Variants in FAM149A observed in about 807,000 individuals in gnomAD.
FAM149A encodes the protein protein FAM149A.
A neutral mutation model predicts 78.2 loss-of-function variants in FAM149A; 71 were observed. That is an observed-to-expected ratio of 0.91 (90% CI 0.75 to 1.11). The LOEUF is 1.11. FAM149A is among the 50% of genes least tolerant of loss of function. The pLI is 0.00. For synonymous variants in FAM149A, 446 were observed against 410.5 expected (o/e 1.09, Z -1.04); for missense variants, 1,036 against 971.0 (o/e 1.07, Z -0.89).
chr4:186,143,773 C>T (rs1337500236), intron 1 of FAM149A, among the ~76,000 whole-genome samples: 11 of 152,128 alleles, frequency 7.2e-5, no homozygotes, highest in Non-Finnish European at 1.2e-4. Context: ...TCAAGTGATC[C>T]GCCCACCTCA....
At chr4:186,125,791 A>G (rs1345784537) in intron 1 of FAM149A, 4 of 985,288 alleles carry the variant, frequency 4.1e-6, no homozygotes, top group Non-Finnish European at 4.8e-6. Context: ...AGCTGGGGCC[A>G]TGAATACCCA....
At chr4:186,113,965 C>G (rs2099312406) in intron 1 of FAM149A, among the ~76,000 whole-genome samples, 2 of 151,028 alleles carry the variant, frequency 1.3e-5, no homozygotes, top group South Asian at 4.3e-4. Context: ...CTTTCTGTCT[C>G]GTTGATCTGT....
rs977598842 is a variant in FAM149A at position 186,126,150 on chromosome 4, T to C, written c.566+20508T>C. On this transcript the variant is annotated intron_variant, in intron 1 of 13. Coordinates refer to ENST00000389354, the MANE Select transcript of FAM149A (RefSeq NM_001367768.3). ...CATTAGTATCATATCACTTGCCCTG[T>C]CCATACTACTCATTACTAGGGGTAC... 3.1e-6 allele frequency: 3 copies of C among 952,832 alleles called. No homozygotes were observed. In the African/African-American group the frequency reaches 5.3e-5, roughly 17 times the overall value. The allele number at this position is 952,832 out of a possible 1,614,324, so 59.0% of individuals were successfully genotyped here. A position where few individuals can be genotyped will look rare whatever the true frequency, so the allele number is the denominator to read the frequency against.
At chr4:186,109,132 C>A in intron 1 of FAM149A, 1 of 983,888 alleles carries the variant, frequency 1.0e-6, no homozygotes, top group Non-Finnish European at 1.2e-6. Flanking sequence ...CAGGCTTGAG[C>A]CACCGCGCCC....
At chr4:186,147,250 G>T (rs1027128472) in intron 1 of FAM149A, among the ~76,000 whole-genome samples, 50 of 152,286 alleles carry the variant, frequency 3.3e-4, no homozygotes, top group Admixed American at 2.1e-3. Flanking sequence ...AAGCATGGTG[G>T]TAGACACCTG....
At position 186,105,174 on chromosome 4, in the gene FAM149A, G is replaced by C; in HGVS notation, c.98G>C (p.Gly33Ala). 7.8e-7 allele frequency: 1 copy of C among 1,276,742 alleles called. No homozygotes were observed. Among genetic ancestry groups the C allele is most frequent in the Non-Finnish European group, 1.0e-6 (1 of 983,440 alleles). The allele number at this position is 1,276,742 out of a possible 1,614,324, so 79.1% of individuals were successfully genotyped here. A position where few individuals can be genotyped will look rare whatever the true frequency, so the allele number is the denominator to read the frequency against. ...GGCCCCTCCTCCAGACCCTCGGGAG[G>C]TGCTGCCGCTGCAGGGTCGGGGGGC... The change falls in exon 1 of 14, where the codon GGT (glycine) becomes GCT (alanine). Residue 33 changes from glycine (G) to alanine (A), a missense_variant. Physicochemically the swap from Gly to Ala is moderately conservative, Grantham distance 60 (BLOSUM62 0). Around this residue, in one of 3 missense-constraint regions of FAM149A, gnomAD observed 316 missense variants for 241.9 expected, o/e 1.31. Coordinates refer to ENST00000389354, the MANE Select transcript of FAM149A (RefSeq NM_001367768.3).
intron 1 of FAM149A, among the ~76,000 whole-genome samples, chr4:186,127,986 C>CTTTTTTTT (rs1466872811): frequency 2.1e-4 from 3 of 14,226 alleles, no homozygotes; most frequent in African/African-American, 7.8e-4. Context: ...CCATGCCCGG[C>CTTTTTTTT]CTTTTTTTTT....
Position 186,136,940 on chromosome 4 carries a change from C to CTCTCTCTCTCTCTCTCTT in FAM149A, c.567-12216_567-12215insTTCTCTCTCTCTCTCTCT, listed in dbSNP as rs2099323050. Among the ~76,000 whole-genome samples, 109 of 91,492 alleles carry CTCTCTCTCTCTCTCTCTT rather than the reference C, an allele frequency of 1.2e-3. 3 individuals are homozygous for CTCTCTCTCTCTCTCTCTT. The highest frequency in any genetic ancestry group is 1.6e-3 in the Admixed American group (13 of 8,174). 60.0% of individuals were successfully genotyped at this position (91,492 alleles called of 152,430 possible). A position where few individuals can be genotyped will look rare whatever the true frequency, so the allele number is the denominator to read the frequency against. On this transcript the variant is annotated intron_variant, in intron 1 of 13. Coordinates refer to ENST00000389354, the MANE Select transcript of FAM149A (RefSeq NM_001367768.3). The stretch of plus-strand genomic sequence containing the variant: ...GAAGCTCAAATACACTGATTGATCT[C>CTCTCTCTCTCTCTCTCTT]TCTCTCTCTCTCTCTCTCTCTCTTT...
At chr4:186,109,506 AC>A (rs2099310328) in intron 1 of FAM149A, 5 of 985,248 alleles carry the variant, frequency 5.1e-6, no homozygotes, top group Non-Finnish European at 6.0e-6. Flanking sequence ...GGTGGATTCC[AC>A]CTCAAACCGA....
chr4:186,123,774 T>C, intron 1 of FAM149A: 1 of 916,056 alleles, frequency 1.1e-6, no homozygotes. Flanking sequence ...GACAAACTAA[T>C]GTGCTGGCTT....
Position 186,104,780 on chromosome 4 carries a change from GCGGCGGC to G in FAM149A, c.-294_-288del, listed in dbSNP as rs2099308106. Among the ~76,000 whole-genome samples, 2 of 151,554 alleles carry G rather than the reference GCGGCGGC, an allele frequency of 1.3e-5. No homozygotes were observed. Among genetic ancestry groups the G allele is most frequent in the African/African-American group, 4.8e-5 (2 of 41,322 alleles). ...GGCGGGCGGCGGGCGTCTGGGGCGG[GCGGCGGC>G]CGCGCTTCCCGGGGCTCCTGGCCCT... On this transcript the variant is annotated 5_prime_UTR_variant, in exon 1 of 14. Coordinates refer to ENST00000389354, the MANE Select transcript of FAM149A (RefSeq NM_001367768.3).
chr4:186,160,261 A>G (rs1476809338), intron 8 of FAM149A, among the ~76,000 whole-genome samples: 2 of 142,502 alleles, frequency 1.4e-5, no homozygotes, highest in African/African-American at 2.7e-5. Flanking sequence ...CACACACTGC[A>G]CACACCCGAC....
intron 3 of FAM149A, 116 bp downstream of exon 3, chr4:186,149,820 C>A: frequency 1.8e-6 from 1 of 543,562 alleles, no homozygotes; most frequent in Non-Finnish European, 2.7e-6. Flanking sequence ...TGCATACATA[C>A]ATGTACATAC....
Position 186,172,145 on chromosome 4 carries a change from C to A in FAM149A, c.*158C>A. ...CAAATAAATCACTTAATCTTGAACA[C>A]TTTGCACTGTAAAGAGAGTGAAAGT... On this transcript the variant is annotated 3_prime_UTR_variant, in exon 14 of 14. Coordinates refer to ENST00000389354, the MANE Select transcript of FAM149A (RefSeq NM_001367768.3). 8.8e-7 allele frequency: 1 copy of A among 1,140,552 alleles called. No homozygotes were observed. The highest frequency in any genetic ancestry group is 1.2e-6 in the Non-Finnish European group (1 of 852,424). 70.7% of individuals were successfully genotyped at this position (1,140,552 alleles called of 1,614,324 possible). A position where few individuals can be genotyped will look rare whatever the true frequency, so the allele number is the denominator to read the frequency against.
intron 1 of FAM149A, among the ~76,000 whole-genome samples, chr4:186,108,850 GT>G (rs199914588): frequency 0.19 from 27,351 of 140,332 alleles, 2,544 homozygotes; most frequent in Non-Finnish European, 0.23. Flanking sequence ...TCAATCTCTG[GT>G]TTTTTTTTTT....
chr4:186,160,200 T>TAC (rs979913775), intron 8 of FAM149A, among the ~76,000 whole-genome samples: 2 of 80,536 alleles, frequency 2.5e-5, no homozygotes, highest in Non-Finnish European at 4.8e-5. Flanking sequence ...ATACACACAC[T>TAC]ACACACACAC....
chr4:186,160,269 GAC>G (rs1358462310), intron 8 of FAM149A, among the ~76,000 whole-genome samples: 4 of 65,008 alleles, frequency 6.2e-5, no homozygotes, highest in African/African-American at 2.5e-4. Context: ...GCACACACCC[GAC>G]ACAAACACAC....
chr4:186,117,701 A>G, intron 1 of FAM149A: 1 of 969,110 alleles, frequency 1.0e-6, no homozygotes, highest in Non-Finnish European at 1.2e-6. Flanking sequence ...CTCTTTAGTA[A>G]ACACTGGAAA....
Position 186,164,471 on chromosome 4 carries a change from C to T in FAM149A, c.1889+838C>T. ...GGAGCGGGCGGCTGCCAACGCTTAC[C>T]TGGCACCCAGACTTTTTCCAGATGC... On this transcript the variant is annotated intron_variant, in intron 10 of 13. Transcript: ENST00000389354. The surrounding 1 kb of genome is among the most constrained non-coding windows in gnomAD (Gnocchi z 4.0). 1 of 985,436 alleles carries T rather than the reference C, an allele frequency of 1.0e-6. No homozygotes were observed. Among genetic ancestry groups the T allele is most frequent in the Non-Finnish European group, 1.2e-6 (1 of 829,914 alleles). 61.0% of individuals were successfully genotyped at this position (985,436 alleles called of 1,614,324 possible).
Sources: allele counts gnomAD v4.1 joint callset (sites outside exome capture counted in the v4.1 genomes callset), GRCh38; gene constraint gnomAD v4.1.1; regional missense constraint gnomAD v4.1.1; non-coding constraint Gnocchi (gnomAD v3.1); transcripts MANE v1.5; gene names NCBI Gene and HGNC (gene_info 2026-07-23, HGNC 2026-07-21).